ZNF532: variants seen among roughly 807,000 people sequenced by gnomAD.
ZNF532 encodes zinc finger protein 532.
ZNF532 carries 22 observed loss-of-function variants against 89.3 expected under a neutral mutation model. That is an observed-to-expected ratio of 0.25 (90% CI 0.18 to 0.35). The LOEUF (loss-of-function observed/expected upper bound fraction) is 0.35. Ranked by LOEUF, ZNF532 falls within the 10% of genes least tolerant of loss-of-function variation. The pLI is 1.00. For missense variants in ZNF532, 1,132 were observed against 1,643.4 expected (o/e 0.69, Z 5.38); for synonymous variants, 606 against 649.6 (o/e 0.93, Z 1.02).
At chr18:58,913,881 C>T (rs1371662118) in intron 2 of ZNF532, among the ~76,000 whole-genome samples, 1 of 152,140 alleles carries the variant, frequency 6.6e-6, no homozygotes, top group East Asian at 1.9e-4. Flanking sequence ...AGGGAACCAG[C>T]GTTTTCACAG....
At chr18:58,892,644 G>A (rs552762267) in intron 2 of ZNF532, among the ~76,000 whole-genome samples, 31 of 152,218 alleles carry the variant, frequency 2.0e-4, no homozygotes, top group African/African-American at 7.0e-4. Context: ...GCAGCCTGTC[G>A]TCTAAATAAA....
At chr18:58,953,348 ATC>A (rs1212515327) in intron 6 of ZNF532, 168 bp from the exon 7 acceptor site, 22 of 602,474 alleles carry the variant, frequency 3.7e-5, no homozygotes, top group Non-Finnish European at 5.7e-5. Context: ...GCAGACTTTT[ATC>A]TCTTTTGAAA....
At position 58,939,622 on chromosome 18, in the gene ZNF532, G is replaced by A; in HGVS notation, c.2705+1G>A. On this transcript the variant is annotated splice_donor_variant, in intron 5 of 9. Transcript: ENST00000591808. LOFTEE classifies it high-confidence loss of function. ...CTGGCATCAAGATAGGAGAACCAAAGTAAGTCATACCGACTTTCAAGTTTT... is the reference window on the plus strand; with the variant it reads ...CTGGCATCAAGATAGGAGAACCAAAATAAGTCATACCGACTTTCAAGTTTT... 6.2e-7 allele frequency: 1 copy of A among 1,609,524 alleles called. No individual in the cohort carries two copies. Among genetic ancestry groups the A allele is most frequent in the Non-Finnish European group, 8.5e-7 (1 of 1,178,532 alleles).
intron 7 of ZNF532, among the ~76,000 whole-genome samples, chr18:58,956,080 T>A (rs965802292): frequency 5.9e-5 from 9 of 152,364 alleles, no homozygotes; most frequent in African/African-American, 1.9e-4. Flanking sequence ...ATCTTTATCT[T>A]ACATTTGAGA....
intron 2 of ZNF532, among the ~76,000 whole-genome samples, chr18:58,876,223 C>T (rs1005804045): frequency 1.3e-5 from 2 of 151,980 alleles, no homozygotes; most frequent in South Asian, 2.1e-4. Flanking sequence ...CGTGAGCCAC[C>T]GCGCCCAGCC....
At chr18:58,886,972 T>C (rs1427491559) in intron 2 of ZNF532, among the ~76,000 whole-genome samples, 1 of 152,240 alleles carries the variant, frequency 6.6e-6, no homozygotes, top group Non-Finnish European at 1.5e-5. Context: ...GTAATCTCAG[T>C]AGGTTCCTGG....
At chr18:58,946,428 C>T (rs1314591337) in intron 5 of ZNF532, among the ~76,000 whole-genome samples, 1 of 151,952 alleles carries the variant, frequency 6.6e-6, no homozygotes, top group Non-Finnish European at 1.5e-5. Flanking sequence ...GTAGCTCCCA[C>T]ACCCAGCTAA....
At chr18:58,921,927 G>A (rs904884634) in intron 3 of ZNF532, among the ~76,000 whole-genome samples, 3 of 152,098 alleles carry the variant, frequency 2.0e-5, no homozygotes, top group African/African-American at 7.2e-5. Flanking sequence ...GCAACATGGT[G>A]AAACCTCATC....
At chr18:58,900,217 A>C (rs903796753) in intron 2 of ZNF532, among the ~76,000 whole-genome samples, 22 of 152,212 alleles carry the variant, frequency 1.4e-4, no homozygotes, top group African/African-American at 5.3e-4. Flanking sequence ...GACTCATCGG[A>C]GGATCGCAGC....
chr18:58,915,119 A>C (rs992644451), intron 2 of ZNF532, among the ~76,000 whole-genome samples: 6 of 152,226 alleles, frequency 3.9e-5, no homozygotes, highest in African/African-American at 1.4e-4. Context: ...ACATTCCTAT[A>C]AACCAAAAAA....
chr18:58,940,382 A>C (rs1044093400), intron 5 of ZNF532: 14 of 152,070 alleles, frequency 9.2e-5, no homozygotes, highest in South Asian at 2.1e-4. Flanking sequence ...CTGATTAGTA[A>C]ATTTTTTTTT....
chr18:58,886,458 C>T (rs1034349575), intron 2 of ZNF532, among the ~76,000 whole-genome samples: 4 of 152,048 alleles, frequency 2.6e-5, no homozygotes, highest in East Asian at 1.9e-4. Flanking sequence ...TCTAACCTCA[C>T]TTTTAATCAG....
intron 2 of ZNF532, among the ~76,000 whole-genome samples, chr18:58,917,270 A>G (rs2060664469): frequency 6.6e-6 from 1 of 151,446 alleles, no homozygotes; most frequent in Non-Finnish European, 1.5e-5. Context: ...TCTGTTATAA[A>G]CCCAGTGCCT....
At chr18:58,899,422 A>G (rs1189756538) in intron 2 of ZNF532, among the ~76,000 whole-genome samples, 1 of 152,050 alleles carries the variant, frequency 6.6e-6, no homozygotes, top group Admixed American at 6.6e-5. Flanking sequence ...TATTTCTGTA[A>G]TAATGTCCTC....
At chr18:58,914,421 T>C (rs768652201) in intron 2 of ZNF532, among the ~76,000 whole-genome samples, 4 of 152,224 alleles carry the variant, frequency 2.6e-5, no homozygotes, top group Non-Finnish European at 4.4e-5. Context: ...GTGGCTCACA[T>C]CTGTAATCCC....
chr18:58,920,304 G>A lies in ZNF532; in HGVS notation c.2017G>A (p.Val673Met). Reference sequence around the variant, plus strand: ...TGCCCGTGGGCATAAGGAGAAAGGGGTGGTAATGCAATGCTCCCACTTAAT... The same window carrying A: ...TGCCCGTGGGCATAAGGAGAAAGGGATGGTAATGCAATGCTCCCACTTAAT... ...SHARGHKEKG[V>M]VMQCSHLILK... The change falls in exon 3 of 10, where the codon GTG (valine) becomes ATG (methionine). Residue 673 changes from valine to methionine, a missense_variant. By Grantham distance (21) the Val-to-Met change is conservative (BLOSUM62 1). Coordinates refer to ENST00000591808, the MANE Select transcript of ZNF532 (RefSeq NM_001375912.1). 6.2e-7 allele frequency: 1 copy of A among 1,614,026 alleles called. No individual in the cohort carries two copies. Among genetic ancestry groups the A allele is most frequent in the Non-Finnish European group, 8.5e-7 (1 of 1,179,884 alleles).
intron 3 of ZNF532, among the ~76,000 whole-genome samples, chr18:58,922,512 A>C (rs1015628558): frequency 6.6e-5 from 10 of 152,208 alleles, no homozygotes; most frequent in Non-Finnish European, 1.0e-4. Flanking sequence ...GAAAGCAGCA[A>C]CTTAGTTCAA....
chr18:58,928,956 C>G (rs897917766), intron 3 of ZNF532, among the ~76,000 whole-genome samples: 4 of 152,220 alleles, frequency 2.6e-5, no homozygotes, highest in Non-Finnish European at 4.4e-5. Context: ...ATTTAACCAA[C>G]TACAGACTGG....
chr18:58,908,867 A>G (rs1052555250), intron 2 of ZNF532, among the ~76,000 whole-genome samples: 3 of 152,252 alleles, frequency 2.0e-5, no homozygotes, highest in Non-Finnish European at 2.9e-5. Flanking sequence ...AGCATTTGCT[A>G]TGTGCATTTC....
Sources: allele counts gnomAD v4.1 joint callset (sites outside exome capture counted in the v4.1 genomes callset), GRCh38; gene constraint gnomAD v4.1.1; transcripts MANE v1.5; gene names NCBI Gene and HGNC (gene_info 2026-07-23, HGNC 2026-07-21).